Variants in GSN observed in about 807,000 individuals in gnomAD.
The protein encoded by GSN is gelsolin.
A neutral mutation model predicts 85.7 loss-of-function variants in GSN; 56 were observed. The observed-to-expected ratio is 0.65, with a 90% confidence interval of 0.53 to 0.82. GSN has a LOEUF of 0.82. GSN is among the 40% of genes least tolerant of loss of function. The pLI, the probability that GSN is intolerant of heterozygous loss-of-function variation, is 0.00. For missense variants in GSN, 857 were observed against 979.8 expected (o/e 0.87, Z 1.67); for synonymous variants, 373 against 399.1 (o/e 0.93, Z 0.78).
intron 6 of GSN, among the ~76,000 whole-genome samples, chr9:121,250,418 C>A (rs187299666): frequency 1.1e-4 from 16 of 152,190 alleles, no homozygotes; most frequent in Admixed American, 7.2e-4. Flanking sequence ...GTTGGCCAGG[C>A]TGGTTTCGAA....
upstream of GSN, among the ~76,000 whole-genome samples, chr9:121,263,212 G>A (rs1305418419): frequency 6.6e-6 from 1 of 152,162 alleles, no homozygotes; most frequent in Non-Finnish European, 1.5e-5. Flanking sequence ...TTCCCACCGT[G>A]GGGACTGGGC....
At chr9:121,286,593 T>TG in intron 2 of GSN, 1 of 1,489,744 alleles carries the variant, frequency 6.7e-7, no homozygotes, top group Non-Finnish European at 8.9e-7. Context: ...CCCTCCTTTG[T>TG]GCTCCCAGGG....
intron 5 of GSN, among the ~76,000 whole-genome samples, chr9:121,232,476 C>T (rs1021981368): frequency 6.6e-6 from 1 of 152,150 alleles, no homozygotes; most frequent in Non-Finnish European, 1.5e-5. Flanking sequence ...AGTAAAAAGC[C>T]ATGTGTGTAT....
chr9:121,294,258 T>G (rs1375147840), intron 2 of GSN, among the ~76,000 whole-genome samples: 1 of 152,108 alleles, frequency 6.6e-6, no homozygotes, highest in African/African-American at 2.4e-5. Flanking sequence ...CCTGTCTTGT[T>G]GTGGATTTGC....
chr9:121,299,941 C>CG lies in GSN; in HGVS notation c.-9-2020dup. 2.4e-6 allele frequency: 3 copies of CG among 1,262,038 alleles called. No homozygotes were observed. The highest frequency in any genetic ancestry group is 2.0e-6 in the Non-Finnish European group (2 of 1,002,214). 78.2% of individuals were successfully genotyped at this position (1,262,038 alleles called of 1,614,324 possible). A position where few individuals can be genotyped will look rare whatever the true frequency, so the allele number is the denominator to read the frequency against. ...TGCGCGCTGTCGCTGCCCGTCCGCG[C>CG]GGCCACTGCGTCGCGGGGGGCGTCC... On this transcript the variant is annotated intron_variant, in intron 2 of 17. Transcript: ENST00000432226. This position sits in a 1 kb window ranked among gnomAD's most constrained non-coding sequence, Gnocchi z 4.2.
At chr9:121,320,074 G>T (rs80084802) in intron 10 of GSN, among the ~76,000 whole-genome samples, 1 of 152,148 alleles carries the variant, frequency 6.6e-6, no homozygotes, top group African/African-American at 2.4e-5. Flanking sequence ...TGAGACTTTG[G>T]GCAAGTTACA....
chr9:121,328,521 G>T (rs114976430), intron 14 of GSN, among the ~76,000 whole-genome samples: 4,107 of 152,314 alleles, frequency 0.027, 192 homozygotes, highest in African/African-American at 0.094. Context: ...AATCAGACAA[G>T]ATTTGTATCC....
intron 4 of GSN, among the ~76,000 whole-genome samples, chr9:121,306,133 C>T (rs2060394120): frequency 6.6e-6 from 1 of 152,176 alleles, no homozygotes; most frequent in Non-Finnish European, 1.5e-5. Context: ...ATCCTGGAGA[C>T]CCCGTGGGGC....
At chr9:121,289,528 A>G (rs922644771) in intron 2 of GSN, among the ~76,000 whole-genome samples, 1 of 152,204 alleles carries the variant, frequency 6.6e-6, no homozygotes, top group Non-Finnish European at 1.5e-5. Context: ...GTAGATTGCT[A>G]ACAGCTGCTG....
intron 2 of GSN, chr9:121,286,294 G>C: frequency 1.4e-6 from 1 of 697,230 alleles, no homozygotes; most frequent in Non-Finnish European, 2.4e-6. Context: ...CACCAGCCAG[G>C]CCCCCTGCAG....
intron 2 of GSN, chr9:121,282,018 G>A (rs755416084): frequency 2.3e-5 from 11 of 474,702 alleles, no homozygotes; most frequent in Non-Finnish European, 4.8e-5. Context: ...GAGCACCTGA[G>A]GTGTGTGAGT....
At position 121,324,714 on chromosome 9, in the gene GSN, C is replaced by T. The variant is rs144925876; in HGVS notation, c.1416+70C>T. On this transcript the variant is annotated intron_variant, in intron 12 of 17. Coordinates refer to ENST00000432226, the MANE Select transcript of GSN (RefSeq NM_198252.3). ...TCCTTCTCTTCACTCATCTGTCTGA[C>T]TCTCATCCATCCATTCGTTTGTCCA... 1.7e-3 allele frequency: 1,283 copies of T among 766,210 alleles called. 10 individuals are homozygous for T. The highest frequency in any genetic ancestry group is 5.0e-3 in the East Asian group (188 of 37,480). 47.5% of individuals were successfully genotyped at this position (766,210 alleles called of 1,614,324 possible).
rs79675160 is a variant in GSN at position 121,323,284 on chromosome 9, A to G, written c.1326-1270A>G. Among the ~76,000 whole-genome samples the G allele has an allele frequency of 1.2e-3, 178 of 152,070 alleles. 1 individual carries two copies. Among genetic ancestry groups the G allele is most frequent in the Middle Eastern group, 3.4e-3 (1 of 294 alleles). Reference sequence around the variant, plus strand: ...ATAACCCTTACATAACCATAGCACAATTAACAAAGCCAGGAAGTGAACATT... The same window carrying G: ...ATAACCCTTACATAACCATAGCACAGTTAACAAAGCCAGGAAGTGAACATT... On this transcript the variant is annotated intron_variant, in intron 11 of 17. Coordinates refer to ENST00000432226, the MANE Select transcript of GSN (RefSeq NM_198252.3).
chr9:121,248,689 C>T (rs571135880), intron 6 of GSN, among the ~76,000 whole-genome samples: 9 of 152,246 alleles, frequency 5.9e-5, no homozygotes, highest in East Asian at 3.9e-4. Flanking sequence ...ATAAGTAACA[C>T]GACCAGGTAG....
upstream of GSN, chr9:121,203,564 C>G (rs2132044999): frequency 6.6e-6 from 1 of 152,482 alleles, no homozygotes; most frequent in Middle Eastern, 3.4e-3. Context: ...TTAAATCAAT[C>G]TTTCTCTTAG....
At chr9:121,262,531 GA>G (rs1357771505) in intron 6 of GSN, among the ~76,000 whole-genome samples, 1 of 152,206 alleles carries the variant, frequency 6.6e-6, no homozygotes, top group Non-Finnish European at 1.5e-5. Flanking sequence ...TTAAGCTGTG[GA>G]GGAAGAACCT....
chr9:121,228,754 TAAAC>T (rs1332821065), intron 4 of GSN, among the ~76,000 whole-genome samples: 1 of 152,094 alleles, frequency 6.6e-6, no homozygotes, highest in Non-Finnish European at 1.5e-5. Flanking sequence ...AAAATTCAGA[TAAAC>T]AGACAAGTTG....
chr9:121,294,380 G>A (rs750587997), intron 2 of GSN, among the ~76,000 whole-genome samples: 3 of 152,190 alleles, frequency 2.0e-5, no homozygotes, highest in Non-Finnish European at 2.9e-5. Flanking sequence ...TTTCCTCCCC[G>A]AGAGAAGGGG....
chr9:121,288,054 G>C (rs553793532), intron 2 of GSN, among the ~76,000 whole-genome samples: 1 of 152,146 alleles, frequency 6.6e-6, no homozygotes, highest in African/African-American at 2.4e-5. Context: ...AGCCTCCCGA[G>C]TAGGTGGGAC....
Sources: gnomAD v4.1 joint callset for allele counts (sites outside exome capture counted in the v4.1 genomes callset) on GRCh38, gnomAD v4.1.1 for gene constraint, Gnocchi (gnomAD v3.1) non-coding constraint, MANE v1.5 for transcripts, NCBI Gene and HGNC (gene_info 2026-07-23, HGNC 2026-07-21) for gene names.